The following NFIB variants were observed in gnomAD, a reference collection of about 807,000 sequenced individuals.
NFIB encodes nuclear factor I B, also known as nuclear factor 1 B-type.
In NFIB, 11 loss-of-function variants were observed where a neutral mutation model predicts 61.5. The ratio of observed to expected loss-of-function variants is 0.18; its 90% CI spans 0.11 to 0.30. The LOEUF (loss-of-function observed/expected upper bound fraction) is 0.30, where lower values mean the gene tolerates loss of function less well. NFIB is among the 10% of genes least tolerant of loss of function. The pLI is 1.00. For synonymous variants in NFIB, 260 were observed against 216.5 expected (o/e 1.20, Z -1.76); for missense variants, 471 against 608.9 (o/e 0.77, Z 2.38).
intron 2 of NFIB, among the ~76,000 whole-genome samples, chr9:14,186,345 A>G (rs1007997780): frequency 1.3e-5 from 2 of 152,170 alleles, no homozygotes; most frequent in Non-Finnish European, 2.9e-5. Flanking sequence ...AGGTGAAGAA[A>G]TAGCCCATTG....
At chr9:14,128,207 TTA>T (rs1369182274) in intron 6 of NFIB, among the ~76,000 whole-genome samples, 1 of 152,150 alleles carries the variant, frequency 6.6e-6, no homozygotes, top group Non-Finnish European at 1.5e-5. Flanking sequence ...GTCTTTCTTG[TTA>T]TAGATGATGC....
chr9:14,258,831 T>A (rs1176204205), intron 2 of NFIB, among the ~76,000 whole-genome samples: 1 of 152,230 alleles, frequency 6.6e-6, no homozygotes, highest in African/African-American at 2.4e-5. Flanking sequence ...CACACATGTA[T>A]ACGTGCACAC....
At chr9:14,149,788 A>T (rs546611751) in intron 5 of NFIB, among the ~76,000 whole-genome samples, 35 of 152,312 alleles carry the variant, frequency 2.3e-4, no homozygotes, top group Non-Finnish European at 4.6e-4. Flanking sequence ...AAAAGTTACC[A>T]GGAATCAGTT....
At chr9:14,433,950 C>T in the NFIB span, among the ~76,000 whole-genome samples, 5 of 152,186 alleles carry the variant, frequency 3.3e-5, no homozygotes, top group African/African-American at 7.2e-5. Context: ...TGCCGTGACT[C>T]GGATTCGAAC....
chr9:14,400,415 G>GT (rs1440324842), upstream of NFIB, among the ~76,000 whole-genome samples: 1 of 152,108 alleles, frequency 6.6e-6, no homozygotes, highest in African/African-American at 2.4e-5. Context: ...AAAGCTACAT[G>GT]TTTTTCCCGT....
chr9:14,464,399 G>T, the NFIB span, among the ~76,000 whole-genome samples: 1 of 152,190 alleles, frequency 6.6e-6, no homozygotes, highest in Non-Finnish European at 1.5e-5. Context: ...TGTGGAAGGA[G>T]CCAGGCTTTC....
At chr9:14,289,118 A>G (rs1222558616) in intron 2 of NFIB, among the ~76,000 whole-genome samples, 50 of 133,866 alleles carry the variant, frequency 3.7e-4, no homozygotes, top group African/African-American at 1.3e-3. Flanking sequence ...GTGTGTGTGT[A>G]TATGTATATA....
At chr9:14,465,084 A>AC in the NFIB span, among the ~76,000 whole-genome samples, 2 of 152,216 alleles carry the variant, frequency 1.3e-5, no homozygotes, top group Non-Finnish European at 2.9e-5. Context: ...TCTGTCATAA[A>AC]CAAGATGTGC....
intron 1 of NFIB, among the ~76,000 whole-genome samples, chr9:14,337,163 C>T (rs2060895318): frequency 6.6e-6 from 1 of 152,150 alleles, no homozygotes; most frequent in Non-Finnish European, 1.5e-5. Flanking sequence ...CCTAGGGAGA[C>T]TCCTGCACAT....
At chr9:14,279,839 CA>C (rs2058252715) in intron 2 of NFIB, among the ~76,000 whole-genome samples, 1 of 152,172 alleles carries the variant, frequency 6.6e-6, no homozygotes, top group Non-Finnish European at 1.5e-5. Flanking sequence ...GATGTGAACT[CA>C]GAAGGTAAGA....
Position 14,155,851 on chromosome 9 carries a change from A to G in NFIB, c.659T>C (p.Val220Ala). 1 of 1,587,330 alleles carries G rather than the reference A, an allele frequency of 6.3e-7. No individual in the cohort carries two copies. The highest frequency in any genetic ancestry group is 8.6e-7 in the Non-Finnish European group (1 of 1,165,856). ...TCTGGATACTCTTACAAGTTCTGATACATTGAAGACTCCAGATTTTACAAA... is the reference window on the plus strand; with the variant it reads ...TCTGGATACTCTTACAAGTTCTGATGCATTGAAGACTCCAGATTTTACAAA... ...DSFVKSGVFN[V>A]SELVRVSRTP... The change falls in exon 4 of 11, where the codon GTA becomes GCA. Residue 220 changes from valine to alanine, a missense_variant. Physicochemically the swap from Val to Ala is moderately conservative, Grantham distance 64. This residue lies in a region of NFIB where 372 missense variants were observed against 395.6 expected (regional missense o/e 0.94). Coordinates refer to ENST00000380953, the MANE Select transcript of NFIB (RefSeq NM_001190737.2).
chr9:14,100,082 AC>A (rs1267841876), intron 10 of NFIB, among the ~76,000 whole-genome samples: 1 of 152,144 alleles, frequency 6.6e-6, no homozygotes, highest in African/African-American at 2.4e-5. Flanking sequence ...AAAATAAAAA[AC>A]AAAAAAACAA....
At chr9:14,373,070 AT>A (rs1254073548) in intron 1 of NFIB, among the ~76,000 whole-genome samples, 1 of 152,184 alleles carries the variant, frequency 6.6e-6, no homozygotes, top group Admixed American at 6.5e-5. Context: ...CATTCCAGGG[AT>A]CCTGTTAGGA....
chr9:14,523,145 CCTGAGGAA>C, the NFIB span, among the ~76,000 whole-genome samples: 60 of 151,940 alleles, frequency 3.9e-4, no homozygotes, highest in African/African-American at 1.4e-3. Context: ...TCATGAGAGC[CCTGAGGAA>C]AAGTGGGTCA....
the NFIB span, among the ~76,000 whole-genome samples, chr9:14,475,821 A>G: frequency 6.6e-6 from 1 of 152,072 alleles, no homozygotes; most frequent in African/African-American, 2.4e-5. Flanking sequence ...TTACCTCACC[A>G]TCCCCTTTAC....
chr9:14,272,224 T>C (rs187537062), intron 2 of NFIB, among the ~76,000 whole-genome samples: 1 of 152,294 alleles, frequency 6.6e-6, no homozygotes, highest in African/African-American at 2.4e-5. Context: ...AACTTGCAAC[T>C]ATAGCATACA....
At chr9:14,442,604 G>C in the NFIB span, among the ~76,000 whole-genome samples, 2 of 152,120 alleles carry the variant, frequency 1.3e-5, no homozygotes, top group Admixed American at 1.3e-4. Context: ...CTGCAGGTTT[G>C]CTGGTAATCT....
At chr9:14,335,958 T>C (rs2060881573) in intron 1 of NFIB, among the ~76,000 whole-genome samples, 1 of 152,240 alleles carries the variant, frequency 6.6e-6, no homozygotes, top group Admixed American at 6.5e-5. Flanking sequence ...AGTTCAAACC[T>C]TTGTCCAAAG....
At chr9:14,162,492 G>A (rs569121790) in intron 3 of NFIB, among the ~76,000 whole-genome samples, 1 of 152,098 alleles carries the variant, frequency 6.6e-6, no homozygotes, top group East Asian at 1.9e-4. Flanking sequence ...GGTTGGCTCA[G>A]TTTCTTCTAA....
Sources: allele counts gnomAD v4.1 joint callset (sites outside exome capture counted in the v4.1 genomes callset), GRCh38; gene constraint gnomAD v4.1.1; regional missense constraint gnomAD v4.1.1; transcripts MANE v1.5; gene names NCBI Gene and HGNC (gene_info 2026-07-23, HGNC 2026-07-21).